The following GPT2 variants were observed in gnomAD, a reference collection of about 807,000 sequenced individuals.
The protein encoded by GPT2 is alanine aminotransferase 2.
Under a neutral mutation model 56.9 loss-of-function variants are expected in GPT2, and 30 were observed. The ratio of observed to expected loss-of-function variants is 0.53; its 90% CI spans 0.39 to 0.72. The LOEUF (loss-of-function observed/expected upper bound fraction) is 0.72. Among genes scored for constraint, GPT2 ranks in the 30% least tolerant of loss-of-function variants. GPT2 has a pLI of 0.00. For missense variants in GPT2, 542 were observed against 703.4 expected (o/e 0.77, Z 2.60); for synonymous variants, 271 against 283.1 (o/e 0.96, Z 0.43).
intron 2 of GPT2, among the ~76,000 whole-genome samples, chr16:46,889,246 A>T (rs921571890): frequency 1.3e-4 from 12 of 94,944 alleles, no homozygotes; most frequent in South Asian, 3.9e-4. Flanking sequence ...CAGGCTGTTA[A>T]TTTTTTTTTT....
chr16:46,896,324 T>C (rs1432550333), intron 2 of GPT2, among the ~76,000 whole-genome samples: 1 of 152,222 alleles, frequency 6.6e-6, no homozygotes, highest in East Asian at 1.9e-4. Flanking sequence ...CATGGTGTCC[T>C]TCTGTCACCT....
intron 4 of GPT2, among the ~76,000 whole-genome samples, chr16:46,906,638 G>A (rs117662754): frequency 7.7e-4 from 117 of 152,274 alleles, no homozygotes; most frequent in Non-Finnish European, 1.5e-3. Flanking sequence ...ATGAGTAGAT[G>A]GGTGGATGGA....
intron 3 of GPT2, among the ~76,000 whole-genome samples, chr16:46,898,455 G>C (rs933819230): frequency 6.6e-6 from 1 of 152,230 alleles, no homozygotes; most frequent in African/African-American, 2.4e-5. Context: ...TGGGGTGGGA[G>C]ATGCCCCAGG....
rs777951788 is a variant in GPT2, at chr16:46,924,363, G to T, written c.1213-26G>T. The T allele has an allele frequency of 1.2e-5, 20 of 1,613,534 alleles. 1 individual carries two copies. In the South Asian group the frequency reaches 2.2e-4, roughly 18 times the overall value. ...GAATCTTTATCCAGAGATACTGACT[G>T]CTGTGCTGTTTCCATCTCTCATCAG... On this transcript the variant is annotated intron_variant, in intron 9 of 11. Coordinates refer to ENST00000340124, the MANE Select transcript of GPT2 (RefSeq NM_133443.4).
chr16:46,901,648 A>G (rs796561294), intron 4 of GPT2, among the ~76,000 whole-genome samples: 6 of 152,368 alleles, frequency 3.9e-5, no homozygotes, highest in African/African-American at 1.4e-4. Context: ...GGGTGGGGAC[A>G]GATTCCCGTG....
intron 4 of GPT2, among the ~76,000 whole-genome samples, chr16:46,902,685 G>C (rs1205453114): frequency 6.6e-6 from 1 of 152,084 alleles, no homozygotes; most frequent in African/African-American, 2.4e-5. Flanking sequence ...AAGTGCGGTG[G>C]CACGATCTTG....
chr16:46,916,476 A>T lies in GPT2; in HGVS notation c.821-152A>T, dbSNP rs1035722389. Reference sequence around the variant, plus strand: ...CTGGAGGCCGACTACACCATCATGCATGGCAGCTGGGGAGGGGGGCCTCTG... The same window carrying T: ...CTGGAGGCCGACTACACCATCATGCTTGGCAGCTGGGGAGGGGGGCCTCTG... On this transcript the variant is annotated intron_variant, in intron 6 of 11. Coordinates refer to ENST00000340124, the MANE Select transcript of GPT2 (RefSeq NM_133443.4). 10 of 685,884 alleles carry T rather than the reference A, an allele frequency of 1.5e-5. No homozygotes were observed. The African/African-American group carries it at 1.6e-4, about 11-fold the overall frequency. 42.5% of individuals were successfully genotyped at this position (685,884 alleles called of 1,614,324 possible).
At chr16:46,911,071 T>C (rs1238178363) in intron 6 of GPT2, among the ~76,000 whole-genome samples, 1 of 152,204 alleles carries the variant, frequency 6.6e-6, no homozygotes, top group African/African-American at 2.4e-5. Flanking sequence ...TGTGTGTTGG[T>C]TTTTCTTTGA....
At position 46,918,400 on chromosome 16, in the gene GPT2, T is replaced by G. The variant is rs562210278; in HGVS notation, c.901-221T>G. Among the ~76,000 whole-genome samples, 2 of 152,254 alleles carry G rather than the reference T, an allele frequency of 1.3e-5. 1 individual carries two copies. Among genetic ancestry groups the G allele is most frequent in the South Asian group, 4.1e-4 (2 of 4,822 alleles). On this transcript the variant is annotated intron_variant, in intron 7 of 11. Transcript: ENST00000340124. ...GGGGACGAGTGTGAGAGAAATCAAG[T>G]GAGCTCCTGAGCTGTCTCAGCATCC...
chr16:46,888,621 A>G (rs1596858390), intron 2 of GPT2, among the ~76,000 whole-genome samples: 1 of 151,858 alleles, frequency 6.6e-6, no homozygotes, highest in East Asian at 1.9e-4. Context: ...TGCTGGGATT[A>G]CAAGCGTGAG....
intron 2 of GPT2, among the ~76,000 whole-genome samples, chr16:46,886,206 G>A (rs1190988583): frequency 6.6e-6 from 1 of 152,192 alleles, no homozygotes. Context: ...TGGCCCAGAG[G>A]TGGGCCGGGC....
At chr16:46,888,027 G>C (rs554366834) in intron 2 of GPT2, among the ~76,000 whole-genome samples, 2 of 152,214 alleles carry the variant, frequency 1.3e-5, no homozygotes, top group Non-Finnish European at 2.9e-5. Context: ...ATTAAAAGGA[G>C]TTTTGAAAAG....
At position 46,900,833 on chromosome 16, in the gene GPT2, A is replaced by G. The variant is rs377379815; in HGVS notation, c.442+43A>G. On this transcript the variant is annotated intron_variant, in intron 4 of 11. Coordinates refer to ENST00000340124, the MANE Select transcript of GPT2 (RefSeq NM_133443.4). ...CAGGCCCCTAGGCGTGAAATGAATG[A>G]GTGTTCCCAGGCGGCCCCAGCCTCA... The G allele has an allele frequency of 9.6e-5, 148 of 1,542,814 alleles. No homozygotes were observed. The South Asian group carries it at 1.6e-3, about 16-fold the overall frequency.
rs1961104414 is a variant in GPT2 at position 46,914,528 on chromosome 16, C to G, written c.821-2100C>G. ...CTCCAGCCTGGGTGACAGAGTGAGA[C>G]TCCATCTCAAAAATTAAAGAGAAAT... On this transcript the variant is annotated intron_variant, in intron 6 of 11. Transcript: ENST00000340124. 4.6e-5 allele frequency among the ~76,000 whole-genome samples: 7 copies of G among 152,174 alleles called. No homozygotes were observed. The South Asian group carries it at 1.4e-3, about 32-fold the overall frequency.
intron 2 of GPT2, among the ~76,000 whole-genome samples, chr16:46,891,832 T>G (rs1960590686): frequency 6.6e-6 from 1 of 151,850 alleles, no homozygotes; most frequent in African/African-American, 2.4e-5. Flanking sequence ...TTGACTATAG[T>G]CACCCTGTTG....
At chr16:46,927,411 C>A (rs924831153) in intron 11 of GPT2, among the ~76,000 whole-genome samples, 2 of 152,196 alleles carry the variant, frequency 1.3e-5, no homozygotes, top group African/African-American at 4.8e-5. Flanking sequence ...CTGGCATGTG[C>A]TTAGTAGCTC....
At chr16:46,884,627 G>C (rs1388009566) in intron 1 of GPT2, 67 bp from the exon 2 acceptor site, 1 of 1,308,956 alleles carries the variant, frequency 7.6e-7, no homozygotes, top group Admixed American at 3.1e-5. Context: ...GGCTGGGCTT[G>C]TGTGGGGGAG....
intron 2 of GPT2, among the ~76,000 whole-genome samples, chr16:46,886,497 C>A (rs933703032): frequency 2.0e-5 from 3 of 152,198 alleles, no homozygotes; most frequent in Non-Finnish European, 2.9e-5. Flanking sequence ...GAGCCTGAGT[C>A]CCCTTCCCCG....
chr16:46,919,557 A>G (rs758677268), intron 8 of GPT2, among the ~76,000 whole-genome samples: 1 of 152,254 alleles, frequency 6.6e-6, no homozygotes, highest in Non-Finnish European at 1.5e-5. Flanking sequence ...CACACCTGCC[A>G]TGTTGGCGGA....
Sources: allele counts gnomAD v4.1 joint callset (sites outside exome capture counted in the v4.1 genomes callset), GRCh38; gene constraint gnomAD v4.1.1; transcripts MANE v1.5; gene names NCBI Gene and HGNC (gene_info 2026-07-23, HGNC 2026-07-21).